PAX9: variants seen among roughly 807,000 people sequenced by gnomAD.
The protein encoded by PAX9 is paired box 9.
PAX9 carries 6 observed loss-of-function variants against 29.1 expected under a neutral mutation model. The observed-to-expected ratio is 0.21, with a 90% CI of 0.11 to 0.41. The LOEUF (loss-of-function observed/expected upper bound fraction) is 0.41, where lower values mean the gene tolerates loss of function less well. Among genes scored for constraint, PAX9 ranks in the 10% least tolerant of loss-of-function variants. The probability of loss-of-function intolerance (pLI) is 1.00; values close to 1 mark genes in which losing one functional copy is unlikely to be tolerated. For synonymous variants in PAX9, 217 were observed against 211.7 expected (o/e 1.03, Z -0.22); for missense variants, 443 against 479.1 (o/e 0.92, Z 0.70).
upstream of PAX9, among the ~76,000 whole-genome samples, chr14:36,660,972 C>G (rs1881236671): frequency 6.6e-6 from 1 of 152,232 alleles, no homozygotes; most frequent in Non-Finnish European, 1.5e-5. Context: ...GACTAAGTCT[C>G]TTTCATATTT....
At position 36,676,305 on chromosome 14, in the gene PAX9, T is replaced by G. The variant is rs775465600; in HGVS notation, c.879T>G (p.Pro293=). 9.9e-6 allele frequency: 16 copies of G among 1,614,098 alleles called. No homozygotes were observed. The highest frequency in any genetic ancestry group is 1.3e-5 in the Non-Finnish European group (15 of 1,180,048). The change falls in exon 4 of 4, where the codon CCT becomes CCG. Residue 293 remains proline (P), a synonymous_variant. Coordinates refer to ENST00000361487, the MANE Select transcript of PAX9 (RefSeq NM_001372076.1). ...CTTACATGACCTACAGTGCTGCTCC[T>G]TCTGGTTATGTTGCTGGACATGGGT... ...VSPYMTYSAA[P]SGYVAGHGWQ...
chr14:36,659,738 T>C (rs1020613730), upstream of PAX9, among the ~76,000 whole-genome samples: 2 of 152,076 alleles, frequency 1.3e-5, no homozygotes, highest in African/African-American at 4.8e-5. Flanking sequence ...AGAGATGGCA[T>C]TGAACCTATG....
At chr14:36,659,802 G>T (rs1187342660), upstream of PAX9, among the ~76,000 whole-genome samples, 3 of 152,232 alleles carry the variant, frequency 2.0e-5, no homozygotes, top group African/African-American at 7.2e-5. Context: ...ACAAGAGGGA[G>T]TTGTATGTTA....
rs1056300254 is a variant in PAX9, at chr14:36,672,789, T to G, written c.772-3409T>G. Among the ~76,000 whole-genome samples the G allele has an allele frequency of 5.3e-5, 8 of 150,486 alleles. No homozygotes were observed. The South Asian group carries it at 6.3e-4, about 12-fold the overall frequency. On this transcript the variant is annotated intron_variant, in intron 3 of 3. Transcript: ENST00000361487. Reference sequence around the variant, plus strand: ...TAAGTTTAAAGATTTATGTTTGTTTTTTTTTTTAAGCAAACGTTTTAGCCT... The same window carrying G: ...TAAGTTTAAAGATTTATGTTTGTTTGTTTTTTTAAGCAAACGTTTTAGCCT...
chr14:36,674,119 G>A (rs1377665836), intron 3 of PAX9, among the ~76,000 whole-genome samples: 2 of 152,128 alleles, frequency 1.3e-5, no homozygotes, highest in African/African-American at 4.8e-5. Flanking sequence ...TAATTTGATA[G>A]TTCTCTATCT....
chr14:36,658,373 TGGG>T (rs36065207), upstream of PAX9, among the ~76,000 whole-genome samples: 107 of 128,826 alleles, frequency 8.3e-4, no homozygotes, highest in African/African-American at 2.9e-3. Context: ...GGGCCTCGCT[TGGG>T]GGGGGGGGGT....
intron 3 of PAX9, among the ~76,000 whole-genome samples, chr14:36,669,224 G>A (rs1169530259): frequency 6.6e-6 from 1 of 152,162 alleles, no homozygotes; most frequent in African/African-American, 2.4e-5. Flanking sequence ...TTCATGTAAG[G>A]TTAAATTGCA....
intron 3 of PAX9, among the ~76,000 whole-genome samples, chr14:36,666,861 G>A (rs762813731): frequency 6.6e-6 from 1 of 152,210 alleles, no homozygotes; most frequent in Admixed American, 6.5e-5. Flanking sequence ...CAGCTCCCCG[G>A]GGCGAGGCTC....
In PAX9 at chr14:36,663,100, G is replaced by T. The variant is rs916637723; in HGVS notation, c.208G>T (p.Ala70Ser). The change falls in exon 2 of 4, where the codon GCC becomes TCC. Residue 70 changes from alanine (A) to serine (S), a missense_variant. Ala to Ser is a moderately conservative substitution (Grantham distance 99). This residue lies in a region of PAX9 where 107 missense variants were observed against 161.9 expected (regional missense o/e 0.66). Transcript: ENST00000361487. ...CGAGACGGGCTCGATCTTGCCAGGA[G>T]CCATCGGGGGCAGCAAGCCCCGGGT... ...YNETGSILPG[A>S]IGGSKPRVTT... is the part of the protein sequence containing the mutation. 1 of 1,613,992 alleles carries T rather than the reference G, an allele frequency of 6.2e-7. No individual in the cohort carries two copies. Among genetic ancestry groups the T allele is most frequent in the Non-Finnish European group, 8.5e-7 (1 of 1,180,050 alleles).
chr14:36,664,680 T>A (rs1594468418), intron 2 of PAX9, among the ~76,000 whole-genome samples: 4 of 152,214 alleles, frequency 2.6e-5, no homozygotes, highest in Admixed American at 2.6e-4. Flanking sequence ...CTTTCTTAAT[T>A]TCTCAGCCTA....
In PAX9 at chr14:36,677,651, A is replaced by ACATTCAT. The variant is rs1881960372; in HGVS notation, c.*1199_*1200insCATTCAT. On this transcript the variant is annotated 3_prime_UTR_variant, in exon 4 of 4. Transcript: ENST00000361487. Reference sequence around the variant, plus strand: ...AAAATGGAAAATTCTGCTCTAATGAATGTAACAATGGCTTGCTGTGAAGTT... The same window carrying ACATTCAT: ...AAAATGGAAAATTCTGCTCTAATGAACATTCATTGTAACAATGGCTTGCTGTGAAGTT... 6.6e-6 allele frequency: 1 copy of ACATTCAT among 152,224 alleles called. No homozygotes were observed. Among genetic ancestry groups the ACATTCAT allele is most frequent in the Non-Finnish European group, 1.5e-5 (1 of 68,040 alleles). The allele number at this position is 152,224 out of a possible 1,614,324, so 9.4% of individuals were successfully genotyped here. A position where few individuals can be genotyped will look rare whatever the true frequency, so the allele number is the denominator to read the frequency against.
Position 36,676,180 on chromosome 14 carries a change from C to A in PAX9, c.772-18C>A. 4 of 1,613,876 alleles carry A rather than the reference C, an allele frequency of 2.5e-6. No individual in the cohort carries two copies. The South Asian group carries it at 3.3e-5, about 13-fold the overall frequency. On this transcript the variant is annotated intron_variant, in intron 3 of 3. Coordinates refer to ENST00000361487, the MANE Select transcript of PAX9 (RefSeq NM_001372076.1). ...CCTATAATGTGATTATTTTTCACTT[C>A]TTTTCTACTCCTCTCAGGCACCAAA...
At chr14:36,659,524 AC>A (rs1407900791), upstream of PAX9, among the ~76,000 whole-genome samples, 2 of 152,038 alleles carry the variant, frequency 1.3e-5, no homozygotes, top group East Asian at 1.9e-4. Context: ...GTGGCCCAAA[AC>A]ACCTAAAATT....
chr14:36,663,587 C>T, intron 2 of PAX9, 64 bp downstream of exon 2: 1 of 1,591,570 alleles, frequency 6.3e-7, no homozygotes, highest in Non-Finnish European at 8.6e-7. Flanking sequence ...CGCGGAGGTC[C>T]CAGTATCTGC....
intron 1 of PAX9, 99 bp from the exon 2 acceptor site, chr14:36,662,798 G>A (rs1277251058): frequency 4.9e-6 from 7 of 1,430,470 alleles, no homozygotes; most frequent in African/African-American, 2.8e-5. Flanking sequence ...GGGGACGGGT[G>A]CGTTCGCCCA....
At chr14:36,662,511 G>C (rs1172465860) in intron 1 of PAX9, 4 of 386,752 alleles carry the variant, frequency 1.0e-5, no homozygotes, top group East Asian at 4.3e-5. Flanking sequence ...CAGAAGGAAC[G>C]CTGGGGATGG....
rs1882044457 is a variant in PAX9, at chr14:36,678,890, T to C, written c.*2438T>C. 1 of 976,980 alleles carries C rather than the reference T, an allele frequency of 1.0e-6. No homozygotes were observed. Among genetic ancestry groups the C allele is most frequent in the Non-Finnish European group, 1.2e-6 (1 of 821,348 alleles). The allele number at this position is 976,980 out of a possible 1,614,324, so 60.5% of individuals were successfully genotyped here. A position where few individuals can be genotyped will look rare whatever the true frequency, so the allele number is the denominator to read the frequency against. Reference sequence around the variant, plus strand: ...ATTTGCTATTCAAAGAAAATTATGATTTAAAGCCACTTTTTAAAATACGAG... The same window carrying C: ...ATTTGCTATTCAAAGAAAATTATGACTTAAAGCCACTTTTTAAAATACGAG... On this transcript the variant is annotated 3_prime_UTR_variant, in exon 4 of 4. Transcript: ENST00000361487.
At chr14:36,669,309 A>C (rs1290987781) in intron 3 of PAX9, among the ~76,000 whole-genome samples, 2 of 152,200 alleles carry the variant, frequency 1.3e-5, no homozygotes, top group Non-Finnish European at 2.9e-5. Flanking sequence ...CAATATTCAA[A>C]GGGCAGATTT....
chr14:36,663,165 G>A lies in PAX9; in HGVS notation c.273G>A (p.Lys91=), dbSNP rs1031750416. 10 of 1,613,970 alleles carry A rather than the reference G, an allele frequency of 6.2e-6. No individual in the cohort carries two copies. The Admixed American group carries it at 1.5e-4, about 24-fold the overall frequency. The part of the protein sequence containing the change: ...PTVVKHIRTY[K]QRDPGIFAWE... ...TGGTGAAACACATCCGGACCTACAA[G>A]CAGAGAGACCCCGGCATCTTCGCCT... Residue 91 remains lysine (K), a synonymous_variant, in exon 2 of 4, where the codon AAG becomes AAA. Coordinates refer to ENST00000361487, the MANE Select transcript of PAX9 (RefSeq NM_001372076.1).
Sources: gnomAD v4.1 joint callset for allele counts (sites outside exome capture counted in the v4.1 genomes callset) on GRCh38, gnomAD v4.1.1 for gene constraint, gnomAD v4.1.1 regional missense constraint, MANE v1.5 for transcripts, NCBI Gene and HGNC (gene_info 2026-07-23, HGNC 2026-07-21) for gene names.